The following KLK9 variants were observed in gnomAD, a reference collection of about 807,000 sequenced individuals.
The protein encoded by KLK9 is kallikrein related peptidase 9, also known as kallikrein-9.
KLK9 carries 26 observed loss-of-function variants against 23.3 expected under a neutral mutation model. The ratio of observed to expected loss-of-function variants is 1.12; its 90% CI spans 0.82 to 1.55. The LOEUF is 1.55. Ranked by LOEUF, KLK9 falls within the 40% of genes most tolerant of loss-of-function variation. The pLI is 0.00. For missense variants in KLK9, 346 were observed against 333.7 expected, an observed-to-expected ratio of 1.04 and a Z score of -0.29; for synonymous variants, 122 against 128.5, an observed-to-expected ratio of 0.95 and a Z score of 0.34.
chr19:51,007,460 G>T (rs186804845), intron 2 of KLK9, among the ~76,000 whole-genome samples: 2 of 151,954 alleles, frequency 1.3e-5, no homozygotes, highest in African/African-American at 4.8e-5. Context: ...AAACATCTGT[G>T]TCTGTCTCTC....
rs761242100 is a variant in KLK9, at chr19:51,006,623, T to G, written c.301A>C (p.Lys101Gln). Residue 101 changes from lysine (K) to glutamine (Q), a missense_variant, in exon 3 of 5, where the codon AAG becomes CAG. Coordinates refer to ENST00000594211, the MANE Select transcript of KLK9 (RefSeq NM_012315.2). The surrounding 1 kb of genome is among the most constrained non-coding windows in gnomAD (Gnocchi z 4.1). Reference protein sequence around the residue: ...TDFFPHPGFNKDLSANDHNDD... With the variant: ...TDFFPHPGFNQDLSANDHNDD... ...TTGTGGTCATTGGCGCTGAGGTCCT[T>G]GTTGAAGCCAGGGTGGGGGAAGAAG... 33 of 1,613,106 alleles carry G rather than the reference T, an allele frequency of 2.0e-5. No individual in the cohort carries two copies. The highest frequency in any genetic ancestry group is 2.8e-5 in the Non-Finnish European group (33 of 1,179,454).
Position 51,003,229 on chromosome 19 carries a change from C to T in KLK9, c.635G>A (p.Gly212Glu). The change falls in exon 5 of 5, where the codon GGA (glycine) becomes GAA (glutamate). Residue 212 changes from glycine to glutamate, a missense_variant. Physicochemically the swap from Gly to Glu is moderately conservative, Grantham distance 98. Transcript: ENST00000594211. Reference protein sequence around the residue: ...GDSGGPLVCNGTLAGVVSGGA... With the variant: ...GDSGGPLVCNETLAGVVSGGA... ...CCCAGACACCACGCCTGCCAAGGTT[C>T]CATTGCAAACCAGGGGGCCCCCAGA... is the stretch of plus-strand genomic sequence containing the variant. 1 of 1,613,060 alleles carries T rather than the reference C, an allele frequency of 6.2e-7. No individual in the cohort carries two copies. Among genetic ancestry groups the T allele is most frequent in the Non-Finnish European group, 8.5e-7 (1 of 1,179,670 alleles).
chr19:51,008,729 A>T (rs373502872), intron 2 of KLK9, among the ~76,000 whole-genome samples: 3 of 152,200 alleles, frequency 2.0e-5, no homozygotes, highest in Admixed American at 6.5e-5. Flanking sequence ...GGGTATGTCA[A>T]GTTAAATCTA....
Position 51,009,119 on chromosome 19 carries a change from C to A in KLK9, c.200+64G>T. On this transcript the variant is annotated intron_variant, in intron 2 of 4. Transcript: ENST00000594211. This position sits in a 1 kb window ranked among gnomAD's most constrained non-coding sequence, Gnocchi z 4.8. ...GCTCCGCACTTCTGGCCTAAAGCAC[C>A]CCTCACCCTCTCCTGACCCCCAGCC... 1 of 1,541,886 alleles carries A rather than the reference C, an allele frequency of 6.5e-7. No homozygotes were observed. The highest frequency in any genetic ancestry group is 8.7e-7 in the Non-Finnish European group (1 of 1,147,786).
Position 51,008,813 on chromosome 19 carries a change from C to T in KLK9, c.200+370G>A, listed in dbSNP as rs142062735. ...AATTTAAACTTACACATGTGGCTGG[C>T]ATCATAATTCCTCTGGGCAGTGCTG... On this transcript the variant is annotated intron_variant, in intron 2 of 4. Coordinates refer to ENST00000594211, the MANE Select transcript of KLK9 (RefSeq NM_012315.2). Among the ~76,000 whole-genome samples the T allele has an allele frequency of 7.9e-3, 1,205 of 152,250 alleles. 21 individuals carry two copies. Among genetic ancestry groups the T allele is most frequent in the African/African-American group, 0.027 (1,140 of 41,530 alleles).
In KLK9 at chr19:51,002,913, C is replaced by G. The variant is rs1220900715; in HGVS notation, c.*198G>C. The stretch of plus-strand genomic sequence containing the variant: ...CTGAAGGGCGTGTCCCTGCTCCGTT[C>G]CGAGGGGGCGCGACTGTGTCTTGCT... On this transcript the variant is annotated 3_prime_UTR_variant, in exon 5 of 5. Coordinates refer to ENST00000594211, the MANE Select transcript of KLK9 (RefSeq NM_012315.2). 1 of 622,672 alleles carries G rather than the reference C, an allele frequency of 1.6e-6. No homozygotes were observed. The highest frequency in any genetic ancestry group is 1.8e-5 in the African/African-American group (1 of 54,216). The allele number at this position is 622,672 out of a possible 1,614,324, so 38.6% of individuals were successfully genotyped here.
At chr19:51,008,337 C>CAAAAAAAAAAAA (rs34275672) in intron 2 of KLK9, among the ~76,000 whole-genome samples, 5 of 71,708 alleles carry the variant, frequency 7.0e-5, no homozygotes, top group African/African-American at 2.7e-4. Context: ...GACTCTGTCT[C>CAAAAAAAAAAAA]AAAAAAAAAA....
At chr19:51,007,365 G>A (rs548360765) in intron 2 of KLK9, among the ~76,000 whole-genome samples, 11 of 151,750 alleles carry the variant, frequency 7.2e-5, no homozygotes, top group African/African-American at 1.5e-4. Context: ...GGATCCTTTC[G>A]GGGATGACAA....
At chr19:51,007,168 G>C (rs747016081) in intron 2 of KLK9, among the ~76,000 whole-genome samples, 1 of 152,016 alleles carries the variant, frequency 6.6e-6, no homozygotes, top group East Asian at 1.9e-4. Context: ...GTGTGTATAC[G>C]TGTGCGTGTG....
rs569226078 is a variant in KLK9, at chr19:51,003,928, C to T, written c.467-88G>A. On this transcript the variant is annotated intron_variant, in intron 3 of 4. Transcript: ENST00000594211. The stretch of plus-strand genomic sequence containing the variant: ...CCCTGAGTCCTCCCTGCAGCTTTTC[C>T]AAAGGACCAATGGAGCCACATTTAG... The T allele has an allele frequency of 1.5e-5, 17 of 1,142,754 alleles. No individual in the cohort carries two copies. The East Asian group carries it at 3.8e-4, about 25-fold the overall frequency. The allele number at this position is 1,142,754 out of a possible 1,614,324, so 70.8% of individuals were successfully genotyped here.
In KLK9 at chr19:51,002,950, G is replaced by C. The variant is rs991159858; in HGVS notation, c.*161C>G. ...GACTGTGTCTTGCTTGACCTCGTGA[G>C]GGGGCGGAGCCTCAGGGGCGGAGTC... On this transcript the variant is annotated 3_prime_UTR_variant, in exon 5 of 5. Transcript: ENST00000594211. The C allele has an allele frequency of 2.4e-6, 2 of 843,452 alleles. No individual in the cohort carries two copies. Among genetic ancestry groups the C allele is most frequent in the Admixed American group, 2.5e-5 (1 of 39,472 alleles). 52.2% of individuals were successfully genotyped at this position (843,452 alleles called of 1,614,324 possible).
intron 2 of KLK9, among the ~76,000 whole-genome samples, chr19:51,007,353 T>C (rs1419294333): frequency 6.6e-6 from 1 of 151,884 alleles, no homozygotes; most frequent in Non-Finnish European, 1.5e-5. Context: ...CCTAGACAGC[T>C]GGGATCCTTT....
chr19:51,006,380 G>A lies in KLK9; in HGVS notation c.466+78C>T. 7.5e-7 allele frequency: 1 copy of A among 1,334,646 alleles called. No homozygotes were observed. The highest frequency in any genetic ancestry group is 1.0e-6 in the Non-Finnish European group (1 of 988,658). The allele number at this position is 1,334,646 out of a possible 1,614,324, so 82.7% of individuals were successfully genotyped here. A position where few individuals can be genotyped will look rare whatever the true frequency, so the allele number is the denominator to read the frequency against. ...ACAGAGAGAGAGAGGAGAGAGAAAA[G>A]GAGAAGACAGAGATGAAAAGGCAGA... On this transcript the variant is annotated intron_variant, in intron 3 of 4. Coordinates refer to ENST00000594211, the MANE Select transcript of KLK9 (RefSeq NM_012315.2). This position sits in a 1 kb window ranked among gnomAD's most constrained non-coding sequence, Gnocchi z 4.1.
At chr19:51,008,868 C>A (rs547700116) in intron 2 of KLK9, among the ~76,000 whole-genome samples, 2 of 152,202 alleles carry the variant, frequency 1.3e-5, no homozygotes, top group African/African-American at 4.8e-5. Context: ...TAATAGTCTG[C>A]GAATCTATGA....
chr19:51,008,284 G>A (rs1406526426), intron 2 of KLK9, among the ~76,000 whole-genome samples: 2 of 140,144 alleles, frequency 1.4e-5, no homozygotes, highest in East Asian at 4.2e-4. Flanking sequence ...GTTGCAGTGA[G>A]CTGAGATTGT....
rs1199578485 is a variant in KLK9 at position 51,009,279 on chromosome 19, GGCT to G, written c.101_103del (p.Gln34del). ...AAGGTGGAAGAGGCCGGCCTGCCAA[GGCT>G]GGGAGTTGGGGCGACATTCCTCGGC... On this transcript the variant is annotated inframe_deletion, in exon 2 of 5. Transcript: ENST00000594211. This position sits in a 1 kb window ranked among gnomAD's most constrained non-coding sequence, Gnocchi z 4.8. The G allele has an allele frequency of 6.2e-7, 1 of 1,604,988 alleles. No individual in the cohort carries two copies. Among genetic ancestry groups the G allele is most frequent in the African/African-American group, 1.3e-5 (1 of 74,928 alleles).
At chr19:51,004,247 C>T (rs1455663603) in intron 3 of KLK9, among the ~76,000 whole-genome samples, 1 of 135,868 alleles carries the variant, frequency 7.4e-6, no homozygotes, top group Non-Finnish European at 1.5e-5. Flanking sequence ...GGCTGAGGCA[C>T]GAGAATCACT....
chr19:51,009,159 G>A lies in KLK9; in HGVS notation c.200+24C>T, dbSNP rs771144624. The stretch of plus-strand genomic sequence containing the variant: ...GACCCCCAGCCTCTGTCCCTCCCCA[G>A]CATGGCCAGCCTGGGTCACTCACGG... On this transcript the variant is annotated intron_variant, in intron 2 of 4. Transcript: ENST00000594211. This position sits in a 1 kb window ranked among gnomAD's most constrained non-coding sequence, Gnocchi z 4.8. 2.2e-5 allele frequency: 35 copies of A among 1,598,580 alleles called. No individual in the cohort carries two copies. Among genetic ancestry groups the A allele is most frequent in the South Asian group, 1.2e-4 (11 of 88,504 alleles).
Position 51,009,184 on chromosome 19 carries a change from G to A in KLK9, c.199C>T (p.Pro67Ser). ...GCATGGCCAGCCTGGGTCACTCACGGCTTGCGGCAGTGGGCAGCTGTGAGC... is the reference window on the plus strand; with the variant it reads ...GCATGGCCAGCCTGGGTCACTCACGACTTGCGGCAGTGGGCAGCTGTGAGC... ...WLLTAAHCRK[P>S]YLWVRLGEHH... Residue 67 changes from proline (P) to serine (S), a missense_variant and splice_region_variant, in exon 2 of 5, where the codon CCG (proline) becomes TCG (serine). By Grantham distance (74) the Pro-to-Ser change is moderately conservative (BLOSUM62 -1). Coordinates refer to ENST00000594211, the MANE Select transcript of KLK9 (RefSeq NM_012315.2). The surrounding 1 kb of genome is among the most constrained non-coding windows in gnomAD (Gnocchi z 4.8). 6.2e-7 allele frequency: 1 copy of A among 1,605,648 alleles called. No homozygotes were observed. Among genetic ancestry groups the A allele is most frequent in the South Asian group, 1.1e-5 (1 of 89,672 alleles).
Sources: gnomAD v4.1 joint callset for allele counts (sites outside exome capture counted in the v4.1 genomes callset) on GRCh38, gnomAD v4.1.1 for gene constraint, Gnocchi (gnomAD v3.1) non-coding constraint, MANE v1.5 for transcripts, NCBI Gene and HGNC (gene_info 2026-07-23, HGNC 2026-07-21) for gene names.